The following EDC4 variants were observed in gnomAD, a reference collection of about 807,000 sequenced individuals.
The protein encoded by EDC4 is enhancer of mRNA decapping 4, also known as enhancer of mRNA-decapping protein 4.
EDC4 carries 64 observed loss-of-function variants against 155.8 expected under a neutral mutation model. The observed-to-expected ratio is 0.41, with a 90% CI of 0.34 to 0.51. EDC4 has a LOEUF of 0.51. EDC4 is among the 20% of genes least tolerant of loss of function. EDC4 has a pLI of 0.19. For synonymous variants in EDC4, 684 were observed against 716.8 expected, an observed-to-expected ratio of 0.95 and a Z score of 0.73; for missense variants, 1,303 against 1,812.5, an observed-to-expected ratio of 0.72 and a Z score of 5.10.
intron 1 of EDC4, among the ~76,000 whole-genome samples, chr16:67,874,320 T>C (rs1386831291): frequency 6.6e-6 from 1 of 152,200 alleles, no homozygotes; most frequent in Non-Finnish European, 1.5e-5. Flanking sequence ...CCTCAGATCT[T>C]GTTCTTACAC....
chr16:67,880,555 A>G lies in EDC4; in HGVS notation c.2098-2A>G. ...TAAGCCCCCATCTTTGGCCCACCTC[A>G]GGTGCCTACTGCCACCTCTGCACTG... is the stretch of plus-strand genomic sequence containing the variant. On this transcript the variant is annotated splice_acceptor_variant, in intron 17 of 28. Transcript: ENST00000358933. LOFTEE classifies it high-confidence loss of function. The surrounding 1 kb of genome is among the most constrained non-coding windows in gnomAD (Gnocchi z 5.2). The G allele has an allele frequency of 6.2e-7, 1 of 1,612,220 alleles. No individual in the cohort carries two copies. The highest frequency in any genetic ancestry group is 8.5e-7 in the Non-Finnish European group (1 of 1,178,796).
chr16:67,873,398 C>T, intron 1 of EDC4, 55 bp downstream of exon 1: 1 of 1,325,422 alleles, frequency 7.5e-7, no homozygotes, highest in Non-Finnish European at 9.8e-7. Flanking sequence ...GGGCGGCGCG[C>T]GTCTGAACCG....
chr16:67,882,084 T>A lies in EDC4; in HGVS notation c.3135T>A (p.Asp1045Glu). Residue 1045 changes from aspartate to glutamate, a missense_variant, in exon 23 of 29, where the codon GAT becomes GAA. Transcript: ENST00000358933. The surrounding 1 kb of genome is among the most constrained non-coding windows in gnomAD (Gnocchi z 7.2). ...VAGRLERSIR[D>E]EIKKTVPPCV... is the part of the protein sequence containing the mutation. ...GGCGGCTAGAGCGCAGCATACGGGATGAGATCAAGAAGACAGTCCCTCCAT... is the reference window on the plus strand; with the variant it reads ...GGCGGCTAGAGCGCAGCATACGGGAAGAGATCAAGAAGACAGTCCCTCCAT... 6.2e-7 allele frequency: 1 copy of A among 1,613,666 alleles called. No individual in the cohort carries two copies. Among genetic ancestry groups the A allele is most frequent in the Non-Finnish European group, 8.5e-7 (1 of 1,179,862 alleles).
Position 67,876,721 on chromosome 16 carries a change from G to A in EDC4, c.351+122G>A. The A allele has an allele frequency of 6.4e-7, 1 of 1,555,618 alleles. No individual in the cohort carries two copies. The highest frequency in any genetic ancestry group is 8.7e-7 in the Non-Finnish European group (1 of 1,148,414). ...ACACTTTCCCAGTTTCAGGAAGCCA[G>A]GGCTGGGTGCCAAGCCTCTGTGGGA... On this transcript the variant is annotated intron_variant, in intron 3 of 28. Coordinates refer to ENST00000358933, the MANE Select transcript of EDC4 (RefSeq NM_014329.5). The surrounding 1 kb of genome is among the most constrained non-coding windows in gnomAD (Gnocchi z 5.8).
Position 67,880,832 on chromosome 16 carries a change from C to T in EDC4, c.2373C>T (p.Pro791=). Residue 791 remains proline, a synonymous_variant, in exon 18 of 29, where the codon CCC becomes CCT. Coordinates refer to ENST00000358933, the MANE Select transcript of EDC4 (RefSeq NM_014329.5). This position sits in a 1 kb window ranked among gnomAD's most constrained non-coding sequence, Gnocchi z 5.2. ...PRPRPGPELG[P]QLGLDGGPGD... is the part of the protein sequence containing the mutation. ...CCCGGCCAGGGCCCGAGCTCGGCCC[C>T]CAGCTCGGGCTTGATGGAGGCCCTG... is the stretch of plus-strand genomic sequence containing the variant. The T allele has an allele frequency of 6.2e-7, 1 of 1,613,978 alleles. No individual in the cohort carries two copies. The highest frequency in any genetic ancestry group is 8.5e-7 in the Non-Finnish European group (1 of 1,180,008).
chr16:67,878,270 G>A lies in EDC4; in HGVS notation c.999G>A (p.Glu333=). The part of the protein sequence containing the change: ...FWQIYIEGQD[E]PRCLHEWKPH... ...AGATCTACATTGAGGGGCAAGATGA[G>A]CCAAGGTAAGGCAGGGCCTCAGGGA... Residue 333 remains glutamate, a synonymous_variant, in exon 8 of 29, where the codon GAG becomes GAA. Transcript: ENST00000358933. This position sits in a 1 kb window ranked among gnomAD's most constrained non-coding sequence, Gnocchi z 5.2. 1 of 1,614,184 alleles carries A rather than the reference G, an allele frequency of 6.2e-7. No individual in the cohort carries two copies.
rs1440728444 is a variant in EDC4 at position 67,878,975 on chromosome 16, C to G, written c.1306C>G (p.Leu436Val). 1 of 1,610,376 alleles carries G rather than the reference C, an allele frequency of 6.2e-7. No individual in the cohort carries two copies. The highest frequency in any genetic ancestry group is 8.5e-7 in the Non-Finnish European group (1 of 1,178,466). Residue 436 changes from leucine to valine, a missense_variant, in exon 12 of 29, where the codon CTG becomes GTG. Around this residue, in one of 5 missense-constraint regions of EDC4, gnomAD observed 235 missense variants for 367.7 expected, o/e 0.64. Coordinates refer to ENST00000358933, the MANE Select transcript of EDC4 (RefSeq NM_014329.5). The surrounding 1 kb of genome is among the most constrained non-coding windows in gnomAD (Gnocchi z 5.2). ...VQRKVLYVME[L>V]LQNQEEGHAC... ...TGTGCAGGTCCTCTATGTGATGGAG[C>G]TGCTGCAAAACCAGGAGGAGGGCCA...
rs1340658768 is a variant in EDC4, at chr16:67,883,136, C to T, written c.3808C>T (p.Gln1270Ter). 1 of 1,601,576 alleles carries T rather than the reference C, an allele frequency of 6.2e-7. No homozygotes were observed. The highest frequency in any genetic ancestry group is 8.5e-7 in the Non-Finnish European group (1 of 1,175,008). ...CCAGGCCCAGCAAGCCCATATCCTG[C>T]AGCTGCTGCAGCAGGGCCACCTCAA... The part of the protein sequence containing the change: ...DCQAQQAHIL[Q>*]LLQQGHLNQA... Residue 1270 changes from glutamine (Q) to a stop codon, truncating the protein, a stop_gained, in exon 27 of 29, where the codon CAG becomes TAG. Coordinates refer to ENST00000358933, the MANE Select transcript of EDC4 (RefSeq NM_014329.5). LOFTEE classifies it high-confidence loss of function. This position sits in a 1 kb window ranked among gnomAD's most constrained non-coding sequence, Gnocchi z 5.3.
In EDC4 at chr16:67,882,166, C is replaced by G. The variant is rs773106589; in HGVS notation, c.3161-46C>G. ...GTTCAGGTGGGAGTGGGGTACCTGT[C>G]AAGCTTCTTCTCATGGCTCCACCTC... is the stretch of plus-strand genomic sequence containing the variant. On this transcript the variant is annotated intron_variant, in intron 23 of 28. Transcript: ENST00000358933. The surrounding 1 kb of genome is among the most constrained non-coding windows in gnomAD (Gnocchi z 7.2). 3.1e-6 allele frequency: 5 copies of G among 1,612,900 alleles called. No individual in the cohort carries two copies. In the East Asian group the frequency reaches 6.7e-5, roughly 22 times the overall value.
At chr16:67,873,472 G>A (rs971430500) in intron 1 of EDC4, 129 bp downstream of exon 1, 2 of 715,516 alleles carry the variant, frequency 2.8e-6, no homozygotes, top group African/African-American at 1.9e-5. Context: ...AGGGTGGACG[G>A]GGATTGACTG....
rs2058061121 is a variant in EDC4 at position 67,880,312 on chromosome 16, C to G, written c.2097+96C>G. The G allele has an allele frequency of 2.7e-6, 4 of 1,486,164 alleles. No homozygotes were observed. Among genetic ancestry groups the G allele is most frequent in the Non-Finnish European group, 3.6e-6 (4 of 1,117,454 alleles). 92.1% of individuals were successfully genotyped at this position (1,486,164 alleles called of 1,614,324 possible). A position where few individuals can be genotyped will look rare whatever the true frequency, so the allele number is the denominator to read the frequency against. ...TCCTCCCAGCCCCCTGCTGCTGATC[C>G]TGCTCTACCCGACATGGTCCGTGTT... On this transcript the variant is annotated intron_variant, in intron 17 of 28. Transcript: ENST00000358933. This position sits in a 1 kb window ranked among gnomAD's most constrained non-coding sequence, Gnocchi z 5.2.
At position 67,881,689 on chromosome 16, in the gene EDC4, T is replaced by G; in HGVS notation, c.2848T>G (p.Trp950Gly). 3.1e-6 allele frequency: 5 copies of G among 1,613,662 alleles called. No individual in the cohort carries two copies. Among genetic ancestry groups the G allele is most frequent in the Non-Finnish European group, 4.2e-6 (5 of 1,179,670 alleles). The change falls in exon 22 of 29, where the codon TGG (tryptophan) becomes GGG (glycine). Residue 950 changes from tryptophan (W) to glycine (G), a missense_variant. Physicochemically the swap from Trp to Gly is radical, Grantham distance 184 (BLOSUM62 -2). Transcript: ENST00000358933. The surrounding 1 kb of genome is among the most constrained non-coding windows in gnomAD (Gnocchi z 5.4). The stretch of plus-strand genomic sequence containing the variant: ...ACAGGTGGCAGAGCCCCCTGAGGAC[T>G]GGCCAGCACTAATTTGGCAACAGCA... The part of the protein sequence containing the change: ...EHQVAEPPED[W>G]PALIWQQQRE...
Position 67,883,444 on chromosome 16 carries a change from T to G in EDC4, c.3850-124T>G. On this transcript the variant is annotated intron_variant, in intron 27 of 28. Coordinates refer to ENST00000358933, the MANE Select transcript of EDC4 (RefSeq NM_014329.5). This position sits in a 1 kb window ranked among gnomAD's most constrained non-coding sequence, Gnocchi z 5.3. ...ACTACACAGCCCTACAGGCTCTCTC[T>G]GAGTCCCTCTGGAGCTCTCACTAGC... 1 of 1,448,752 alleles carries G rather than the reference T, an allele frequency of 6.9e-7. No individual in the cohort carries two copies. Among genetic ancestry groups the G allele is most frequent in the Admixed American group, 1.8e-5 (1 of 55,212 alleles). 89.7% of individuals were successfully genotyped at this position (1,448,752 alleles called of 1,614,324 possible). A position where few individuals can be genotyped will look rare whatever the true frequency, so the allele number is the denominator to read the frequency against.
Position 67,878,878 on chromosome 16 carries a change from A to G in EDC4, c.1287+39A>G, listed in dbSNP as rs1168509044. Reference sequence around the variant, plus strand: ...GGGTACCCTGGGCAGAGTTGGGATTATAGAGGAAGGCCGGGGGGCAGGTGG... The same window carrying G: ...GGGTACCCTGGGCAGAGTTGGGATTGTAGAGGAAGGCCGGGGGGCAGGTGG... On this transcript the variant is annotated intron_variant, in intron 11 of 28. Coordinates refer to ENST00000358933, the MANE Select transcript of EDC4 (RefSeq NM_014329.5). The surrounding 1 kb of genome is among the most constrained non-coding windows in gnomAD (Gnocchi z 5.2). 2 of 1,611,738 alleles carry G rather than the reference A, an allele frequency of 1.2e-6. No homozygotes were observed. The highest frequency in any genetic ancestry group is 2.7e-5 in the African/African-American group (2 of 74,920).
At chr16:67,875,104 C>T (rs1449258897) in intron 1 of EDC4, among the ~76,000 whole-genome samples, 1 of 152,196 alleles carries the variant, frequency 6.6e-6, no homozygotes, top group Non-Finnish European at 1.5e-5. Flanking sequence ...CCCTAGGCTC[C>T]TTGCCACCTG....
rs1429233971 is a variant in EDC4 at position 67,878,729 on chromosome 16, C to T, written c.1185-8C>T. 1.2e-6 allele frequency: 2 copies of T among 1,614,174 alleles called. No homozygotes were observed. The highest frequency in any genetic ancestry group is 2.2e-5 in the East Asian group (1 of 44,886). On this transcript the variant is annotated splice_region_variant and splice_polypyrimidine_tract_variant and intron_variant, in intron 10 of 28. Coordinates refer to ENST00000358933, the MANE Select transcript of EDC4 (RefSeq NM_014329.5). This position sits in a 1 kb window ranked among gnomAD's most constrained non-coding sequence, Gnocchi z 5.2. ...CAGGCTCATTCACTCTGCTTTGTGG[C>T]TCTCTAGCTTCTCCCCAGATATCTT...
Position 67,880,794 on chromosome 16 carries a change from C to T in EDC4, c.2335C>T (p.Leu779=). The T allele has an allele frequency of 1.9e-6, 3 of 1,614,042 alleles. No homozygotes were observed. The highest frequency in any genetic ancestry group is 2.5e-6 in the Non-Finnish European group (3 of 1,180,024). Residue 779 remains leucine, a synonymous_variant, in exon 18 of 29, where the codon CTG becomes TTG. Transcript: ENST00000358933. The surrounding 1 kb of genome is among the most constrained non-coding windows in gnomAD (Gnocchi z 5.2). Reference sequence around the variant, plus strand: ...TTCAGCCGCCTCGGCACTGCACCTGCTGTCCCCACGGCCCCGGCCAGGGCC... The same window carrying T: ...TTCAGCCGCCTCGGCACTGCACCTGTTGTCCCCACGGCCCCGGCCAGGGCC... ...MASAASALHL[L]SPRPRPGPEL... is the part of the protein sequence containing the mutation.
chr16:67,876,018 G>T lies in EDC4; in HGVS notation c.156G>T (p.Pro52=), dbSNP rs201207125. 1.9e-6 allele frequency: 3 copies of T among 1,614,138 alleles called. No individual in the cohort carries two copies. Among genetic ancestry groups the T allele is most frequent in the Non-Finnish European group, 1.7e-6 (2 of 1,180,022 alleles). Residue 52 remains proline, a synonymous_variant, in exon 2 of 29, where the codon CCG becomes CCT. Coordinates refer to ENST00000358933, the MANE Select transcript of EDC4 (RefSeq NM_014329.5). The surrounding 1 kb of genome is among the most constrained non-coding windows in gnomAD (Gnocchi z 5.8). ...GDLNGLLVPD[P]LCSGDSTSAN... ...TCAATGGACTTCTGGTCCCAGACCC[G>T]CTCTGCTCAGGTGATAGTACCTCAG...
Position 67,879,467 on chromosome 16 carries a change from G to T in EDC4, c.1597G>T (p.Ala533Ser), listed in dbSNP as rs1398868200. The T allele has an allele frequency of 6.2e-7, 1 of 1,614,190 alleles. No homozygotes were observed. Among genetic ancestry groups the T allele is most frequent in the East Asian group, 2.2e-5 (1 of 44,884 alleles). The part of the protein sequence containing the change: ...FQPQLNPDVV[A>S]PLPTHTAHED... ...GCCACAGCTGAACCCTGATGTGGTG[G>T]CCCCACTGCCCACCCACACTGCCCA... The change falls in exon 14 of 29, where the codon GCC (alanine) becomes TCC (serine). Residue 533 changes from alanine (A) to serine (S), a missense_variant. Around this residue, in one of 5 missense-constraint regions of EDC4, gnomAD observed 391 missense variants for 445.4 expected, o/e 0.88. Transcript: ENST00000358933. This position sits in a 1 kb window ranked among gnomAD's most constrained non-coding sequence, Gnocchi z 6.0.
Sources: gnomAD v4.1 joint callset for allele counts (sites outside exome capture counted in the v4.1 genomes callset) on GRCh38, gnomAD v4.1.1 for gene constraint, gnomAD v4.1.1 regional missense constraint, Gnocchi (gnomAD v3.1) non-coding constraint, MANE v1.5 for transcripts, NCBI Gene and HGNC (gene_info 2026-07-23, HGNC 2026-07-21) for gene names.